Variants in PHLDB2 observed in about 807,000 individuals in gnomAD.
PHLDB2 encodes the protein pleckstrin homology like domain family B member 2, also known as pleckstrin homology-like domain family B member 2.
Under a neutral mutation model 123.6 loss-of-function variants are expected in PHLDB2, and 71 were observed. The observed-to-expected ratio is 0.57, with a 90% CI of 0.47 to 0.70. The LOEUF is 0.70. Among genes scored for constraint, PHLDB2 ranks in the 30% least tolerant of loss-of-function variants. PHLDB2 has a pLI of 0.00. For synonymous variants in PHLDB2, 547 were observed against 541.6 expected, an observed-to-expected ratio of 1.01 and a Z score of -0.14; for missense variants, 1,446 against 1,519.5, an observed-to-expected ratio of 0.95 and a Z score of 0.80.
rs776038584 is a variant in PHLDB2, at chr3:111,969,818, A to AT, written c.3446dup (p.Leu1150ProfsTer9). 6.2e-7 allele frequency: 1 copy of AT among 1,614,092 alleles called. No individual in the cohort carries two copies. Among genetic ancestry groups the AT allele is most frequent in the Non-Finnish European group, 8.5e-7 (1 of 1,179,944 alleles). On this transcript the variant is annotated frameshift_variant, in exon 16 of 18. Transcript: ENST00000431670. LOFTEE classifies it high-confidence loss of function. ...CAATCACAGAGAAGACCTGCCGAGG[A>AT]TTCCTCATCAAAATGGGTGGGAAAA...
At chr3:111,879,187 T>A (rs1351246799) in intron 1 of PHLDB2, among the ~76,000 whole-genome samples, 1 of 152,178 alleles carries the variant, frequency 6.6e-6, no homozygotes, top group Non-Finnish European at 1.5e-5. Flanking sequence ...GGTCCTGGAC[T>A]TTTTTTGGTT....
At chr3:111,802,881 T>A (rs981386416) in intron 1 of PHLDB2, among the ~76,000 whole-genome samples, 3 of 152,186 alleles carry the variant, frequency 2.0e-5, no homozygotes, top group African/African-American at 7.2e-5. Flanking sequence ...AGTTAAAGGT[T>A]ATGGTCCTGC....
At chr3:111,889,774 G>T (rs2066373589) in intron 2 of PHLDB2, among the ~76,000 whole-genome samples, 1 of 152,066 alleles carries the variant, frequency 6.6e-6, no homozygotes, top group Non-Finnish European at 1.5e-5. Context: ...GAAATTCTGG[G>T]AATGTTAAAT....
intron 12 of PHLDB2, chr3:111,957,531 A>G (rs1469230867): frequency 6.6e-6 from 1 of 152,194 alleles, no homozygotes; most frequent in Non-Finnish European, 1.5e-5. Context: ...CTGTGGAAGC[A>G]TTGTTTTGTA....
chr3:111,924,771 G>T (rs1273919356), intron 5 of PHLDB2, among the ~76,000 whole-genome samples: 1 of 152,220 alleles, frequency 6.6e-6, no homozygotes, highest in Non-Finnish European at 1.5e-5. Flanking sequence ...TGGAGACAAG[G>T]CCGGAGCCAT....
intron 1 of PHLDB2, among the ~76,000 whole-genome samples, chr3:111,789,682 A>C (rs1023648432): frequency 3.9e-5 from 6 of 152,188 alleles, no homozygotes; most frequent in Non-Finnish European, 7.3e-5. Context: ...AGTTGTTCAG[A>C]ATTACATGAG....
At chr3:111,882,737 A>C (rs1461842487) in intron 1 of PHLDB2, among the ~76,000 whole-genome samples, 1 of 152,180 alleles carries the variant, frequency 6.6e-6, no homozygotes, top group Non-Finnish European at 1.5e-5. Flanking sequence ...GCAGCTCTTT[A>C]CTAGGCTGCC....
At chr3:111,798,113 G>A (rs1454789918) in intron 1 of PHLDB2, among the ~76,000 whole-genome samples, 2 of 152,040 alleles carry the variant, frequency 1.3e-5, no homozygotes, top group Non-Finnish European at 1.5e-5. Flanking sequence ...CATCCTGGGT[G>A]ACACAGTGAG....
chr3:111,866,014 ATTTTTT>A lies in PHLDB2; in HGVS notation c.-15+6457_-15+6462del, dbSNP rs61038523. Among the ~76,000 whole-genome samples the A allele has an allele frequency of 2.4e-3, 136 of 57,418 alleles. 2 individuals carry two copies. The East Asian group carries it at 0.055, about 23-fold the overall frequency. The allele number at this position is 57,418 out of a possible 152,430, so 37.7% of individuals were successfully genotyped here. ...TTTTAGAAACCTACCCCACCCACTC[ATTTTTT>A]TTTTTTTTTTTTTTTTTTGGAGACA... is the stretch of plus-strand genomic sequence containing the variant. On this transcript the variant is annotated intron_variant, in intron 1 of 17. Coordinates refer to ENST00000431670, the MANE Select transcript of PHLDB2 (RefSeq NM_001134438.2).
intron 1 of PHLDB2, among the ~76,000 whole-genome samples, chr3:111,747,258 A>G (rs2059695877): frequency 6.6e-6 from 1 of 152,166 alleles, no homozygotes; most frequent in South Asian, 2.1e-4. Context: ...ATATTTAGGT[A>G]TTAAAAATAC....
intron 16 of PHLDB2, among the ~76,000 whole-genome samples, chr3:111,971,987 T>C (rs909615426): frequency 6.6e-6 from 1 of 152,232 alleles, no homozygotes; most frequent in African/African-American, 2.4e-5. Context: ...CTCATCAATT[T>C]ACAATAGCAT....
chr3:111,785,239 C>T (rs905971657), intron 1 of PHLDB2, among the ~76,000 whole-genome samples: 1 of 152,102 alleles, frequency 6.6e-6, no homozygotes, highest in Non-Finnish European at 1.5e-5. Context: ...CTCACTTATT[C>T]ATGCTCTTTA....
At chr3:111,786,729 T>A (rs953572948) in intron 1 of PHLDB2, among the ~76,000 whole-genome samples, 31 of 151,992 alleles carry the variant, frequency 2.0e-4, no homozygotes, top group African/African-American at 7.5e-4. Flanking sequence ...CGGGCTACAG[T>A]TTGTCATTCT....
At position 111,913,656 on chromosome 3, in the gene PHLDB2, T is replaced by C; in HGVS notation, c.1673T>C (p.Phe558Ser). The change falls in exon 3 of 18, where the codon TTT (phenylalanine) becomes TCT (serine). Residue 558 changes from phenylalanine (F) to serine (S), a missense_variant. This residue lies in a region of PHLDB2 where 832 missense variants were observed against 831.9 expected (regional missense o/e 1.00). Coordinates refer to ENST00000431670, the MANE Select transcript of PHLDB2 (RefSeq NM_001134438.2). The stretch of plus-strand genomic sequence containing the variant: ...ACTCCTCCACCACCATCCTCCACCT[T>C]TCCGAAAGCTTCCAGCGAGTCCTCT... Reference protein sequence around the residue: ...TRTPPPPSSTFPKASSESSYL... With the variant: ...TRTPPPPSSTSPKASSESSYL... 6.2e-7 allele frequency: 1 copy of C among 1,613,818 alleles called. No individual in the cohort carries two copies. The highest frequency in any genetic ancestry group is 8.5e-7 in the Non-Finnish European group (1 of 1,179,766).
At chr3:111,944,914 G>A (rs1264569359) in intron 8 of PHLDB2, among the ~76,000 whole-genome samples, 1 of 152,056 alleles carries the variant, frequency 6.6e-6, no homozygotes, top group African/African-American at 2.4e-5. Context: ...CTCATGATCT[G>A]CCCGCCTCAG....
chr3:111,750,397 C>T lies in PHLDB2; in HGVS notation c.-49+17694C>T, dbSNP rs2059748814. 3.3e-5 allele frequency among the ~76,000 whole-genome samples: 5 copies of T among 152,162 alleles called. No homozygotes were observed. In the South Asian group the frequency reaches 1.0e-3, roughly 32 times the overall value. ...TAAAATTAAAGATTTAAATAAAAGC[C>T]TGAGTCACCAAAGAAATTCTGCAAG... On this transcript the variant is annotated intron_variant, in intron 1 of 17. Transcript: ENST00000393923.
At chr3:111,753,892 T>G (rs2059831810) in intron 1 of PHLDB2, among the ~76,000 whole-genome samples, 1 of 152,224 alleles carries the variant, frequency 6.6e-6, no homozygotes, top group South Asian at 2.1e-4. Flanking sequence ...CCCAGCACCA[T>G]TTATTAAATA....
intron 1 of PHLDB2, among the ~76,000 whole-genome samples, chr3:111,788,650 T>A (rs1381433657): frequency 6.6e-6 from 1 of 152,214 alleles, no homozygotes; most frequent in African/African-American, 2.4e-5. Flanking sequence ...AGCAAGCTTG[T>A]CCAACCTGAA....
intron 1 of PHLDB2, among the ~76,000 whole-genome samples, chr3:111,768,081 G>C (rs10451887): frequency 0.05 from 7,673 of 152,202 alleles, 652 homozygotes; most frequent in African/African-American, 0.17. Flanking sequence ...GAAAAGGTGA[G>C]AGTTGATAGC....
Sources: allele counts gnomAD v4.1 joint callset (sites outside exome capture counted in the v4.1 genomes callset), GRCh38; gene constraint gnomAD v4.1.1; regional missense constraint gnomAD v4.1.1; transcripts MANE v1.5; gene names NCBI Gene and HGNC (gene_info 2026-07-23, HGNC 2026-07-21).